Variants in SEPSECS observed in about 807,000 individuals in gnomAD.
SEPSECS encodes the protein O-phosphoseryl-tRNA(Sec) selenium transferase.
A neutral mutation model predicts 52.1 loss-of-function variants in SEPSECS; 42 were observed. The observed-to-expected ratio is 0.81, with a 90% CI of 0.63 to 1.04. The LOEUF (loss-of-function observed/expected upper bound fraction) is 1.04, where lower values mean the gene tolerates loss of function less well. Ranked by LOEUF, SEPSECS falls within the 50% of genes least tolerant of loss-of-function variation. The probability of loss-of-function intolerance (pLI) is 0.00; values close to 1 mark genes in which losing one functional copy is unlikely to be tolerated. For synonymous variants in SEPSECS, 216 were observed against 211.4 expected, an observed-to-expected ratio of 1.02 and a Z score of -0.19; for missense variants, 590 against 610.6, an observed-to-expected ratio of 0.97 and a Z score of 0.36.
chr4:25,159,750 C>A (rs1206776706), intron 1 of SEPSECS: 2 of 1,003,234 alleles, frequency 2.0e-6, no homozygotes, highest in South Asian at 2.2e-5. Flanking sequence ...CCAGCCTGGG[C>A]GAAAGAGCGA....
chr4:25,144,673 G>T, intron 8 of SEPSECS, 101 bp downstream of exon 8: 1 of 832,700 alleles, frequency 1.2e-6, no homozygotes, highest in Non-Finnish European at 2.1e-6. Flanking sequence ...CATACTAGAT[G>T]TCTCCCTCCC....
intron 8 of SEPSECS, among the ~76,000 whole-genome samples, chr4:25,136,878 C>T (rs1440079522): frequency 1.3e-5 from 2 of 151,952 alleles, no homozygotes; most frequent in Admixed American, 6.6e-5. Flanking sequence ...CATAGGCCAA[C>T]GAAACAGAAT....
chr4:25,160,479 G>T, upstream of SEPSECS: 1 of 853,572 alleles, frequency 1.2e-6, no homozygotes, highest in Non-Finnish European at 1.8e-6. Flanking sequence ...AGCGCCTTGG[G>T]ACAAAAAACA....
chr4:25,159,277 G>C (rs1262388528), intron 1 of SEPSECS, among the ~76,000 whole-genome samples, 170 bp from the exon 2 acceptor site: 1 of 152,160 alleles, frequency 6.6e-6, no homozygotes, highest in African/African-American at 2.4e-5. Flanking sequence ...CAAAACGTTT[G>C]TACATTTGAT....
At chr4:25,132,872 C>T (rs150611911) in intron 8 of SEPSECS, among the ~76,000 whole-genome samples, 209 of 152,198 alleles carry the variant, frequency 1.4e-3, no homozygotes, top group African/African-American at 4.6e-3. Context: ...AGTGGTAAGA[C>T]GGAAAGCGCA....
intron 8 of SEPSECS, among the ~76,000 whole-genome samples, chr4:25,129,417 A>G (rs1295287780): frequency 6.7e-6 from 1 of 150,100 alleles, no homozygotes; most frequent in Non-Finnish European, 1.5e-5. Flanking sequence ...TGAGGTCAGG[A>G]GTTCGAGACC....
intron 2 of SEPSECS, among the ~76,000 whole-genome samples, chr4:25,158,313 C>T (rs1346719069): frequency 6.6e-6 from 1 of 152,082 alleles, no homozygotes; most frequent in Non-Finnish European, 1.5e-5. Flanking sequence ...GCATGGAAGA[C>T]AGGAGTTTCA....
rs1323537084 is a variant in SEPSECS, at chr4:25,120,821, ACT to A, written c.*3108_*3109del. On this transcript the variant is annotated 3_prime_UTR_variant, in exon 11 of 11. Transcript: ENST00000382103. The stretch of plus-strand genomic sequence containing the variant: ...TGGTTATTTTCCTCTGTGAAATATA[ACT>A]CTCAGGATGAACTACTAATTCAATA... 1 of 152,104 alleles carries A rather than the reference ACT, an allele frequency of 6.6e-6. No individual in the cohort carries two copies. The highest frequency in any genetic ancestry group is 1.9e-4 in the East Asian group (1 of 5,200). The allele number at this position is 152,104 out of a possible 1,614,324, so 9.4% of individuals were successfully genotyped here. A position where few individuals can be genotyped will look rare whatever the true frequency, so the allele number is the denominator to read the frequency against.
chr4:25,154,930 T>G, intron 5 of SEPSECS, 68 bp downstream of exon 5: 9 of 1,458,558 alleles, frequency 6.2e-6, no homozygotes, highest in Non-Finnish European at 8.6e-6. Flanking sequence ...TAAGCATATT[T>G]GAGAATTAGT....
intron 8 of SEPSECS, among the ~76,000 whole-genome samples, chr4:25,129,156 T>C (rs1358995849): frequency 6.6e-6 from 1 of 152,190 alleles, no homozygotes; most frequent in Non-Finnish European, 1.5e-5. Context: ...TCCTTTTATA[T>C]TCAAAAAGTT....
rs79592211 is a variant in SEPSECS at position 25,153,400 on chromosome 4, T to G, written c.702-1338A>C. ...ATAACTTGTGAGTAGTTTTAAATAATCTGAATTACCTAAATCTGTTAATGG... is the reference window on the plus strand; with the variant it reads ...ATAACTTGTGAGTAGTTTTAAATAAGCTGAATTACCTAAATCTGTTAATGG... On this transcript the variant is annotated intron_variant, in intron 5 of 10. Transcript: ENST00000382103. 0.011 allele frequency among the ~76,000 whole-genome samples: 1,724 copies of G among 151,634 alleles called. 72 individuals are homozygous for G. The East Asian group carries it at 0.12, about 10-fold the overall frequency.
chr4:25,127,237 GT>G (rs757784172), intron 9 of SEPSECS, 26 bp downstream of exon 9: 1 of 1,464,976 alleles, frequency 6.8e-7, no homozygotes, highest in Non-Finnish European at 9.6e-7. Flanking sequence ...ATAAGTATTT[GT>G]TTTTCTTTAG....
intron 9 of SEPSECS, among the ~76,000 whole-genome samples, chr4:25,126,593 G>C (rs1043112363): frequency 6.6e-6 from 1 of 152,082 alleles, no homozygotes; most frequent in African/African-American, 2.4e-5. Flanking sequence ...AAGCTTAAAA[G>C]ATAATTAAGT....
At chr4:25,157,952 C>G (rs1183506024) in intron 2 of SEPSECS, among the ~76,000 whole-genome samples, 1 of 152,116 alleles carries the variant, frequency 6.6e-6, no homozygotes, top group Non-Finnish European at 1.5e-5. Flanking sequence ...CCTAGAAAAT[C>G]AGTGTGCAAA....
intron 10 of SEPSECS, chr4:25,125,188 TC>T (rs936467709): frequency 8.5e-5 from 13 of 153,158 alleles, no homozygotes; most frequent in African/African-American, 3.1e-4. Flanking sequence ...TCTGACCTCA[TC>T]AAATCTAAAA....
intron 8 of SEPSECS, among the ~76,000 whole-genome samples, chr4:25,144,323 G>A (rs557648645): frequency 8.2e-5 from 8 of 96,970 alleles, no homozygotes; most frequent in East Asian, 2.8e-4. Flanking sequence ...CCAAGACTCC[G>A]CTCAAAAAAA....
chr4:25,149,326 A>G (rs1412836292), intron 6 of SEPSECS, among the ~76,000 whole-genome samples: 1 of 152,070 alleles, frequency 6.6e-6, no homozygotes, highest in African/African-American at 2.4e-5. Flanking sequence ...TCAGCCTTCC[A>G]AAGTGCTGGA....
intron 8 of SEPSECS, among the ~76,000 whole-genome samples, chr4:25,136,405 C>G (rs1221747145): frequency 6.6e-6 from 1 of 152,020 alleles, no homozygotes; most frequent in African/African-American, 2.4e-5. Flanking sequence ...TCCTATACAA[C>G]AACAAACAAG....
At position 25,152,026 on chromosome 4, in the gene SEPSECS, G is replaced by A; in HGVS notation, c.738C>T (p.Asp246=). The A allele has an allele frequency of 6.3e-7, 1 of 1,596,828 alleles. No individual in the cohort carries two copies. Among genetic ancestry groups the A allele is most frequent in the Non-Finnish European group, 8.6e-7 (1 of 1,164,450 alleles). The change falls in exon 6 of 11, where the codon GAC becomes GAT. Residue 246 remains aspartate (D), a synonymous_variant. Coordinates refer to ENST00000382103, the MANE Select transcript of SEPSECS (RefSeq NM_016955.4). ...AAGCATTATTAACTATATGTGGAATGTCATAATTAGCACAAATCACAGCCA... is the reference window on the plus strand; with the variant it reads ...AAGCATTATTAACTATATGTGGAATATCATAATTAGCACAAATCACAGCCA... ...EELAVICANY[D]IPHIVNNAYG...
Sources: allele counts gnomAD v4.1 joint callset (sites outside exome capture counted in the v4.1 genomes callset), GRCh38; gene constraint gnomAD v4.1.1; transcripts MANE v1.5; gene names NCBI Gene and HGNC (gene_info 2026-07-23, HGNC 2026-07-21).